Variants in SGCZ observed in about 807,000 individuals in gnomAD.
SGCZ encodes the protein zeta-sarcoglycan.
Under a neutral mutation model 41.3 loss-of-function variants are expected in SGCZ, and 40 were observed. That is an observed-to-expected ratio of 0.97 (90% CI 0.75 to 1.26). The LOEUF (loss-of-function observed/expected upper bound fraction) is 1.26, where lower values mean the gene tolerates loss of function less well. SGCZ is among the 50% of genes most tolerant of loss of function. The pLI is 0.00. For missense variants in SGCZ, 552 were observed against 369.8 expected (o/e 1.49, Z -4.04); for synonymous variants, 206 against 137.5 (o/e 1.50, Z -3.49).
At chr8:15,015,123 G>A (rs891978604) in intron 1 of SGCZ, among the ~76,000 whole-genome samples, 1 of 152,032 alleles carries the variant, frequency 6.6e-6, no homozygotes, top group African/African-American at 2.4e-5. Flanking sequence ...TGCACCTATA[G>A]TCCCAGCTAC....
chr8:14,408,960 T>C (rs62497846), intron 2 of SGCZ, among the ~76,000 whole-genome samples: 165 of 101,370 alleles, frequency 1.6e-3, no homozygotes, highest in Admixed American at 8.0e-3. Flanking sequence ...AGAGTGTGTG[T>C]GTGTGTGTGT....
chr8:14,131,178 T>A (rs919115180), intron 5 of SGCZ, among the ~76,000 whole-genome samples: 2 of 152,130 alleles, frequency 1.3e-5, no homozygotes, highest in African/African-American at 2.4e-5. Context: ...GAATCTCTAG[T>A]ATTAACCCAG....
intron 5 of SGCZ, among the ~76,000 whole-genome samples, chr8:14,123,274 A>C (rs1232418545): frequency 6.6e-6 from 1 of 152,234 alleles, no homozygotes; most frequent in African/African-American, 2.4e-5. Context: ...CAAAGCAAAC[A>C]ATCAGTAATT....
At chr8:14,640,721 C>G (rs1212581537) in intron 1 of SGCZ, among the ~76,000 whole-genome samples, 1 of 151,120 alleles carries the variant, frequency 6.6e-6, no homozygotes, top group Non-Finnish European at 1.5e-5. Context: ...GAAGAATTTC[C>G]TAAAGCTAAA....
intron 1 of SGCZ, among the ~76,000 whole-genome samples, chr8:15,223,039 GATGGT>G (rs1396922669): frequency 6.6e-6 from 1 of 152,158 alleles, no homozygotes; most frequent in Non-Finnish European, 1.5e-5. Context: ...TATTTTTCCA[GATGGT>G]AAGGAGATGA....
At chr8:14,324,381 C>G (rs1269513934) in intron 2 of SGCZ, among the ~76,000 whole-genome samples, 177 bp from the exon 3 acceptor site, 1 of 152,152 alleles carries the variant, frequency 6.6e-6, no homozygotes, top group East Asian at 1.9e-4. Flanking sequence ...ATATAGAGGG[C>G]TCTATTTAAA....
chr8:15,033,254 C>T (rs937746579), intron 1 of SGCZ, among the ~76,000 whole-genome samples: 4 of 151,914 alleles, frequency 2.6e-5, no homozygotes, highest in Non-Finnish European at 5.9e-5. Context: ...CAGCCCAACA[C>T]CCACACACCC....
chr8:15,159,699 T>C (rs930035037), intron 1 of SGCZ, among the ~76,000 whole-genome samples: 2 of 148,522 alleles, frequency 1.3e-5, no homozygotes, highest in African/African-American at 5.0e-5. Context: ...GAAGGTTTTT[T>C]TATTTTTTTT....
rs575434537 is a variant in SGCZ, at chr8:14,720,912, G to T, written c.40-165986C>A. ...TTTTCCCCAATACTTCATGGAAACT[G>T]TTTTTTTTTTAATTTTTTTTATGAT... On this transcript the variant is annotated intron_variant, in intron 1 of 7. Transcript: ENST00000382080. Among the ~76,000 whole-genome samples the T allele has an allele frequency of 1.9e-3, 293 of 151,218 alleles. 1 individual carries two copies. The highest frequency in any genetic ancestry group is 6.8e-3 in the Middle Eastern group (2 of 294).
At chr8:15,037,371 A>G (rs1270255786) in intron 1 of SGCZ, among the ~76,000 whole-genome samples, 1 of 152,212 alleles carries the variant, frequency 6.6e-6, no homozygotes, top group South Asian at 2.1e-4. Context: ...CTTCAGCCAG[A>G]ATTATAAGTT....
intron 1 of SGCZ, among the ~76,000 whole-genome samples, chr8:14,799,511 T>A (rs892241249): frequency 1.3e-5 from 2 of 151,970 alleles, no homozygotes; most frequent in African/African-American, 4.8e-5. Context: ...AACCCTGGCA[T>A]GGTGATTCTG....
chr8:14,360,689 G>C (rs1455887329), intron 2 of SGCZ, among the ~76,000 whole-genome samples: 1 of 152,046 alleles, frequency 6.6e-6, no homozygotes, highest in Non-Finnish European at 1.5e-5. Flanking sequence ...ATGTTAAAAA[G>C]TTTGCTTAGT....
chr8:15,149,974 G>C (rs957596082), intron 1 of SGCZ, among the ~76,000 whole-genome samples: 1 of 152,134 alleles, frequency 6.6e-6, no homozygotes, highest in African/African-American at 2.4e-5. Flanking sequence ...AATTGTATTT[G>C]TCTATATTTA....
chr8:14,943,650 G>T (rs1800348941), intron 1 of SGCZ, among the ~76,000 whole-genome samples: 1 of 152,074 alleles, frequency 6.6e-6, no homozygotes. Flanking sequence ...GGGTTTGGGG[G>T]TTTGGTGTAC....
intron 1 of SGCZ, among the ~76,000 whole-genome samples, chr8:14,809,940 A>G (rs1275376228): frequency 6.6e-6 from 1 of 152,112 alleles, no homozygotes; most frequent in Non-Finnish European, 1.5e-5. Context: ...AGATACTTAG[A>G]ATCTATTTAA....
At chr8:14,379,798 C>A (rs1381829822) in intron 2 of SGCZ, among the ~76,000 whole-genome samples, 1 of 152,052 alleles carries the variant, frequency 6.6e-6, no homozygotes, top group African/African-American at 2.4e-5. Flanking sequence ...GTGGCTCGAT[C>A]TCAGCACACT....
At chr8:14,620,162 A>C (rs1806236640) in intron 1 of SGCZ, among the ~76,000 whole-genome samples, 1 of 152,186 alleles carries the variant, frequency 6.6e-6, no homozygotes, top group Non-Finnish European at 1.5e-5. Context: ...GATCTTTGAC[A>C]AACCTGACAA....
At chr8:14,207,260 G>T (rs980392028) in intron 4 of SGCZ, among the ~76,000 whole-genome samples, 2 of 119,500 alleles carry the variant, frequency 1.7e-5, no homozygotes, top group East Asian at 2.5e-4. Context: ...CAATTTAAAT[G>T]TAACAATTTG....
intron 3 of SGCZ, among the ~76,000 whole-genome samples, chr8:14,243,223 C>T (rs1187793475): frequency 1.3e-5 from 2 of 151,838 alleles, no homozygotes; most frequent in Admixed American, 6.6e-5. Context: ...ATTTTGTTAC[C>T]GAAGTTTGTA....
Sources: allele counts gnomAD v4.1 joint callset (sites outside exome capture counted in the v4.1 genomes callset), GRCh38; gene constraint gnomAD v4.1.1; transcripts MANE v1.5; gene names NCBI Gene and HGNC (gene_info 2026-07-23, HGNC 2026-07-21).